Variants in SMARCA5 observed in about 807,000 individuals in gnomAD.
SMARCA5 encodes SWI/SNF-related matrix-associated actin-dependent regulator of chromatin subfamily A member 5.
SMARCA5 carries 18 observed loss-of-function variants against 140.4 expected under a neutral mutation model. The ratio of observed to expected loss-of-function variants is 0.13; its 90% CI spans 0.09 to 0.19. The LOEUF (loss-of-function observed/expected upper bound fraction) is 0.19. SMARCA5 is among the 10% of genes least tolerant of loss of function. The pLI is 1.00. For synonymous variants in SMARCA5, 449 were observed against 419.6 expected, an observed-to-expected ratio of 1.07 and a Z score of -0.86; for missense variants, 606 against 1,276.8, an observed-to-expected ratio of 0.47 and a Z score of 8.01.
intron 7 of SMARCA5, 81 bp from the exon 8 acceptor site, chr4:143,528,502 G>A (rs767563089): frequency 8.1e-7 from 1 of 1,232,830 alleles, no homozygotes. Context: ...TTGGGCATTT[G>A]TGTTGGTTCC....
In SMARCA5 at chr4:143,547,031, AT is replaced by A. The variant is rs1197589191; in HGVS notation, c.2653+129del. On this transcript the variant is annotated intron_variant, in intron 20 of 23. Transcript: ENST00000283131. Reference sequence around the variant, plus strand: ...CAGTGTAGTTAGTACCTTCTTCATTATTTTTTACAAATTAGAAAATGTTCTG... The same window carrying A: ...CAGTGTAGTTAGTACCTTCTTCATTATTTTTACAAATTAGAAAATGTTCTG... The A allele has an allele frequency of 7.0e-6, 6 of 861,498 alleles. No homozygotes were observed. In the South Asian group the frequency reaches 1.3e-4, roughly 19 times the overall value. The allele number at this position is 861,498 out of a possible 1,614,324, so 53.4% of individuals were successfully genotyped here.
intron 23 of SMARCA5, 111 bp downstream of exon 23, chr4:143,550,215 A>C: frequency 7.4e-6 from 3 of 407,906 alleles, no homozygotes; most frequent in Non-Finnish European, 8.4e-6. Context: ...GCACCCCTCC[A>C]TTGCCTTTAC....
chr4:143,515,961 T>C (rs977422385), intron 1 of SMARCA5, among the ~76,000 whole-genome samples: 1 of 152,180 alleles, frequency 6.6e-6, no homozygotes, highest in South Asian at 2.1e-4. Context: ...ACACATTTTT[T>C]TTTTGGTTGA....
At position 143,557,245 on chromosome 4, in the gene SMARCA5, G is replaced by T. The variant is rs936932636; in HGVS notation, c.*4061G>T. ...ATATCATGTATCTCCAGTACAAGAA[G>T]AAAGTTTATCAGAATTTAGTTAATG... On this transcript the variant is annotated 3_prime_UTR_variant, in exon 24 of 24. Transcript: ENST00000283131. 2 of 152,144 alleles carry T rather than the reference G, an allele frequency of 1.3e-5. No individual in the cohort carries two copies. Among genetic ancestry groups the T allele is most frequent in the Admixed American group, 1.3e-4 (2 of 15,278 alleles). 9.4% of individuals were successfully genotyped at this position (152,144 alleles called of 1,614,324 possible).
Position 143,528,660 on chromosome 4 carries a change from T to C in SMARCA5, c.1035T>C (p.His345=). 6.2e-7 allele frequency: 1 copy of C among 1,611,660 alleles called. No homozygotes were observed. The highest frequency in any genetic ancestry group is 8.5e-7 in the Non-Finnish European group (1 of 1,177,754). Residue 345 remains histidine, a synonymous_variant, in exon 8 of 24, where the codon CAT becomes CAC. Coordinates refer to ENST00000283131, the MANE Select transcript of SMARCA5 (RefSeq NM_003601.4). ...LTGTPLQNNL[H]ELWSLLNFLL... is the part of the protein sequence containing the mutation. ...GAACACCTCTTCAGAACAACTTGCATGAGCTGTGGTCACTTCTTAACTTTC... is the reference window on the plus strand; with the variant it reads ...GAACACCTCTTCAGAACAACTTGCACGAGCTGTGGTCACTTCTTAACTTTC...
intron 11 of SMARCA5, 23 bp downstream of exon 11, chr4:143,536,701 T>G: frequency 6.6e-7 from 1 of 1,515,656 alleles, no homozygotes; most frequent in Non-Finnish European, 9.1e-7. Context: ...CGTATCAAAT[T>G]ATCAAAACTG....
chr4:143,548,153 G>A lies in SMARCA5; in HGVS notation c.2985+13G>A. 1.3e-6 allele frequency: 2 copies of A among 1,534,892 alleles called. No individual in the cohort carries two copies. Among genetic ancestry groups the A allele is most frequent in the South Asian group, 1.1e-5 (1 of 87,058 alleles). ...CAGAACTGCAATGGTGAGTGCTCAG[G>A]GCTTTTTTGTGTAATGTAGCAGAGT... On this transcript the variant is annotated intron_variant, in intron 22 of 23. Transcript: ENST00000283131.
intron 4 of SMARCA5, among the ~76,000 whole-genome samples, 199 bp from the exon 5 acceptor site, chr4:143,525,252 C>T (rs1418646812): frequency 6.6e-6 from 1 of 152,140 alleles, no homozygotes; most frequent in Non-Finnish European, 1.5e-5. Flanking sequence ...ATGTTTCCCG[C>T]ACTTGATTAT....
At chr4:143,515,516 T>G (rs1736810443) in intron 1 of SMARCA5, among the ~76,000 whole-genome samples, 1 of 152,158 alleles carries the variant, frequency 6.6e-6, no homozygotes. Context: ...AAAAATTGTT[T>G]ATAGTTTTTC....
chr4:143,547,537 A>T, intron 21 of SMARCA5, 34 bp downstream of exon 21: 1 of 1,058,618 alleles, frequency 9.4e-7, no homozygotes, highest in Non-Finnish European at 1.5e-6. Flanking sequence ...GGTAGTTAAT[A>T]AAATAACTCC....
chr4:143,526,508 A>G (rs1400479703), intron 6 of SMARCA5, 48 bp downstream of exon 6: 2 of 1,340,374 alleles, frequency 1.5e-6, no homozygotes, highest in African/African-American at 1.5e-5. Context: ...AATAATTTGA[A>G]TTCAGGCTTG....
rs982014837 is a variant in SMARCA5, at chr4:143,546,915, C to A, written c.2653+7C>A. The A allele has an allele frequency of 1.2e-6, 2 of 1,611,530 alleles. No individual in the cohort carries two copies. The highest frequency in any genetic ancestry group is 2.2e-5 in the East Asian group (1 of 44,734). On this transcript the variant is annotated splice_region_variant and intron_variant, in intron 20 of 23. Coordinates refer to ENST00000283131, the MANE Select transcript of SMARCA5 (RefSeq NM_003601.4). The stretch of plus-strand genomic sequence containing the variant: ...GAAGTCATTGAATATTCAGGTAATT[C>A]TTTTAAGCAGGCTGTTGGAGTTTAG...
At chr4:143,541,732 C>T (rs1737428893) in intron 14 of SMARCA5, among the ~76,000 whole-genome samples, 2 of 152,156 alleles carry the variant, frequency 1.3e-5, no homozygotes, top group African/African-American at 4.8e-5. Flanking sequence ...CTTCTCGAGG[C>T]TGCCACCCCG....
intron 9 of SMARCA5, among the ~76,000 whole-genome samples, chr4:143,533,051 A>C (rs1737228029): frequency 6.6e-6 from 1 of 152,214 alleles, no homozygotes; most frequent in East Asian, 1.9e-4. Context: ...TAAATAGAAC[A>C]GAGGTACAAA....
intron 22 of SMARCA5, 85 bp from the exon 23 acceptor site, chr4:143,549,912 C>T: frequency 4.5e-6 from 3 of 663,202 alleles, no homozygotes; most frequent in South Asian, 3.3e-5. Context: ...TATATATTAT[C>T]CTATTAAAAC....
rs577162520 is a variant in SMARCA5, at chr4:143,555,332, A to C, written c.*2148A>C. ...TCCAAAATTGCTTCAATCATTACCA[A>C]ATCTATTATAGCAATCCCCACTGCC... On this transcript the variant is annotated 3_prime_UTR_variant, in exon 24 of 24. Coordinates refer to ENST00000283131, the MANE Select transcript of SMARCA5 (RefSeq NM_003601.4). 1.4e-6 allele frequency: 1 copy of C among 733,834 alleles called. No homozygotes were observed. Among genetic ancestry groups the C allele is most frequent in the South Asian group, 1.3e-5 (1 of 74,284 alleles). The allele number at this position is 733,834 out of a possible 1,614,324, so 45.5% of individuals were successfully genotyped here. A position where few individuals can be genotyped will look rare whatever the true frequency, so the allele number is the denominator to read the frequency against.
Position 143,556,352 on chromosome 4 carries a change from G to T in SMARCA5, c.*3168G>T, listed in dbSNP as rs1209536075. 1 of 152,114 alleles carries T rather than the reference G, an allele frequency of 6.6e-6. No homozygotes were observed. The highest frequency in any genetic ancestry group is 1.9e-4 in the East Asian group (1 of 5,200). 9.4% of individuals were successfully genotyped at this position (152,114 alleles called of 1,614,324 possible). A position where few individuals can be genotyped will look rare whatever the true frequency, so the allele number is the denominator to read the frequency against. On this transcript the variant is annotated 3_prime_UTR_variant, in exon 24 of 24. Coordinates refer to ENST00000283131, the MANE Select transcript of SMARCA5 (RefSeq NM_003601.4). ...TTAAAAAGCATTGTAAAACACCCCT[G>T]TGGTTTTTCAGAAAAATTCTGAGTA...
chr4:143,548,152 G>C lies in SMARCA5; in HGVS notation c.2985+12G>C, dbSNP rs199580063. On this transcript the variant is annotated intron_variant, in intron 22 of 23. Transcript: ENST00000283131. ...CCAGAACTGCAATGGTGAGTGCTCA[G>C]GGCTTTTTTGTGTAATGTAGCAGAG... 456 of 1,532,564 alleles carry C rather than the reference G, an allele frequency of 3.0e-4. 1 individual carries two copies. In the African/African-American group the frequency reaches 5.5e-3, roughly 19 times the overall value. The allele number at this position is 1,532,564 out of a possible 1,614,324, so 94.9% of individuals were successfully genotyped here. A position where few individuals can be genotyped will look rare whatever the true frequency, so the allele number is the denominator to read the frequency against.
intron 13 of SMARCA5, among the ~76,000 whole-genome samples, chr4:143,540,079 T>A (rs528263006): frequency 3.9e-5 from 6 of 152,264 alleles, no homozygotes; most frequent in Non-Finnish European, 7.4e-5. Flanking sequence ...TGGGTTTGAT[T>A]TAGATAGAAA....
Sources: allele counts gnomAD v4.1 joint callset (sites outside exome capture counted in the v4.1 genomes callset), GRCh38; gene constraint gnomAD v4.1.1; transcripts MANE v1.5; gene names NCBI Gene and HGNC (gene_info 2026-07-23, HGNC 2026-07-21).